The following B4GALNT3 variants were observed in gnomAD, a reference collection of about 807,000 sequenced individuals.
B4GALNT3 encodes the protein beta-1,4-N-acetylgalactosaminyltransferase 3.
A neutral mutation model predicts 120.2 loss-of-function variants in B4GALNT3; 86 were observed. The ratio of observed to expected loss-of-function variants is 0.72; its 90% CI spans 0.60 to 0.86. B4GALNT3 has a LOEUF of 0.86. Ranked by LOEUF, B4GALNT3 falls within the 40% of genes least tolerant of loss-of-function variation. B4GALNT3 has a pLI of 0.00. For missense variants in B4GALNT3, 1,167 were observed against 1,298.9 expected (o/e 0.90, Z 1.56); for synonymous variants, 518 against 510.4 (o/e 1.01, Z -0.20).
chr12:511,671 C>T (rs1468805473), intron 1 of B4GALNT3, among the ~76,000 whole-genome samples: 4 of 146,166 alleles, frequency 2.7e-5, no homozygotes, highest in Admixed American at 6.8e-5. Context: ...TTCCACCTTC[C>T]GCCTTCCGCC....
intron 14 of B4GALNT3, chr12:555,236 C>T (rs1395039129): frequency 2.0e-5 from 8 of 395,990 alleles, no homozygotes; most frequent in Non-Finnish European, 3.5e-5. Flanking sequence ...TGGTTACTTC[C>T]CATTCCTCCT....
intron 1 of B4GALNT3, among the ~76,000 whole-genome samples, chr12:475,760 C>T (rs1300616195): frequency 1.3e-5 from 2 of 152,196 alleles, no homozygotes; most frequent in Non-Finnish European, 2.9e-5. Flanking sequence ...GACTTTCTTT[C>T]ATTCCTACTT....
intron 1 of B4GALNT3, among the ~76,000 whole-genome samples, chr12:524,639 T>TAA (rs72425704): frequency 9.2e-5 from 12 of 130,908 alleles, no homozygotes; most frequent in Admixed American, 2.6e-4. Flanking sequence ...TAAGACATGT[T>TAA]AAAAAAAAAA....
rs534663410 is a variant in B4GALNT3 at position 473,520 on chromosome 12, G to A, written c.169+12975G>A. ...CCAAAGTTGTGGGTTTCATACGTGG[G>A]TCTCTGGCTGTACTCTGCCACAATC... On this transcript the variant is annotated intron_variant, in intron 1 of 19. Coordinates refer to ENST00000266383, the MANE Select transcript of B4GALNT3 (RefSeq NM_173593.4). Among the ~76,000 whole-genome samples, 7 of 152,320 alleles carry A rather than the reference G, an allele frequency of 4.6e-5. No homozygotes were observed. The East Asian group carries it at 5.8e-4, about 13-fold the overall frequency.
At position 552,179 on chromosome 12, in the gene B4GALNT3, T is replaced by A; in HGVS notation, c.1208+16T>A. On this transcript the variant is annotated intron_variant, in intron 12 of 19. Transcript: ENST00000266383. Reference sequence around the variant, plus strand: ...ACCAAGACCGGTGAGAGACACTGAGTGGGGCAGGAAGGTGACCTTGCAGAG... The same window carrying A: ...ACCAAGACCGGTGAGAGACACTGAGAGGGGCAGGAAGGTGACCTTGCAGAG... The A allele has an allele frequency of 6.3e-7, 1 of 1,582,074 alleles. No homozygotes were observed. Among genetic ancestry groups the A allele is most frequent in the Non-Finnish European group, 8.7e-7 (1 of 1,151,414 alleles).
intron 1 of B4GALNT3, among the ~76,000 whole-genome samples, chr12:478,008 C>T (rs1319328214): frequency 1.3e-5 from 2 of 152,088 alleles, no homozygotes; most frequent in African/African-American, 4.8e-5. Context: ...CTGGCACTTT[C>T]AGAGGCTGCT....
intron 1 of B4GALNT3, among the ~76,000 whole-genome samples, chr12:481,270 G>A (rs1325197428): frequency 6.6e-6 from 1 of 152,220 alleles, no homozygotes; most frequent in Non-Finnish European, 1.5e-5. Flanking sequence ...GGCGTTCTGT[G>A]TAATGGGAAT....
Position 466,552 on chromosome 12 carries a change from C to A in B4GALNT3, c.169+6007C>A, listed in dbSNP as rs11063090. Among the ~76,000 whole-genome samples the A allele has an allele frequency of 7.3e-3, 1,109 of 152,276 alleles. 16 individuals carry two copies. The highest frequency in any genetic ancestry group is 0.01 in the Middle Eastern group (3 of 294). On this transcript the variant is annotated intron_variant, in intron 1 of 19. Coordinates refer to ENST00000266383, the MANE Select transcript of B4GALNT3 (RefSeq NM_173593.4). ...CATAATTAATAGATTTATATGTTAA[C>A]CACTATACAAAAATGCGAGTGGAAG...
intron 1 of B4GALNT3, among the ~76,000 whole-genome samples, chr12:486,390 A>T (rs1432159064): frequency 6.6e-6 from 1 of 151,408 alleles, no homozygotes; most frequent in East Asian, 1.9e-4. Context: ...TTGTCTTTTT[A>T]GTAGAGATGG....
At chr12:543,910 A>G (rs1351582479) in intron 3 of B4GALNT3, among the ~76,000 whole-genome samples, 1,981 of 31,502 alleles carry the variant, frequency 0.063, no homozygotes, top group Middle Eastern at 0.087. Context: ...AGGAGCTGGG[A>G]CGGGCATGGG....
At chr12:554,593 A>G (rs1463837090) in intron 14 of B4GALNT3, among the ~76,000 whole-genome samples, 8 of 151,154 alleles carry the variant, frequency 5.3e-5, no homozygotes, top group South Asian at 2.1e-4. Flanking sequence ...GATCGAGACC[A>G]TCCTGGCTAA....
At chr12:546,003 G>A (rs1947000397) in intron 6 of B4GALNT3, among the ~76,000 whole-genome samples, 1 of 127,966 alleles carries the variant, frequency 7.8e-6, no homozygotes, top group East Asian at 2.5e-4. Flanking sequence ...GTGGGGAGGT[G>A]AGAGGAGTGG....
At chr12:559,220 C>A in intron 18 of B4GALNT3, 75 bp from the exon 19 acceptor site, 1 of 1,589,164 alleles carries the variant, frequency 6.3e-7, no homozygotes, top group Non-Finnish European at 8.6e-7. Flanking sequence ...CCTCTAGGCA[C>A]ACAGCCTGGA....
chr12:522,252 G>A (rs1332817899), intron 1 of B4GALNT3, among the ~76,000 whole-genome samples: 5 of 152,158 alleles, frequency 3.3e-5, no homozygotes, highest in Non-Finnish European at 7.3e-5. Flanking sequence ...AGCAAGAGGT[G>A]GAAACAGCCC....
At chr12:540,550 A>G (rs1946903675) in intron 3 of B4GALNT3, 1 of 152,202 alleles carries the variant, frequency 6.6e-6, no homozygotes, top group Non-Finnish European at 1.5e-5. Context: ...AGGAAATTGC[A>G]TTTGTAAAAG....
At position 544,329 on chromosome 12, in the gene B4GALNT3, C is replaced by T. The variant is rs747012361; in HGVS notation, c.352-10C>T. 1.7e-5 allele frequency: 28 copies of T among 1,612,662 alleles called. No homozygotes were observed. The highest frequency in any genetic ancestry group is 2.2e-5 in the East Asian group (1 of 44,896). ...CACGCTCACTCACCACTGGCGTCTC[C>T]GCCCTGCAGTTCCGGGGCCGTGCCA... On this transcript the variant is annotated splice_polypyrimidine_tract_variant and intron_variant, in intron 3 of 19. Coordinates refer to ENST00000266383, the MANE Select transcript of B4GALNT3 (RefSeq NM_173593.4).
intron 9 of B4GALNT3, among the ~76,000 whole-genome samples, 170 bp from the exon 10 acceptor site, chr12:549,599 G>A (rs920761360): frequency 6.6e-6 from 1 of 152,248 alleles, no homozygotes; most frequent in Non-Finnish European, 1.5e-5. Flanking sequence ...CAGATGAATC[G>A]TGAAGCCACC....
chr12:461,357 G>T (rs1027789023), intron 1 of B4GALNT3, among the ~76,000 whole-genome samples: 1 of 152,182 alleles, frequency 6.6e-6, no homozygotes, highest in African/African-American at 2.4e-5. Context: ...TTCCTCCTAG[G>T]AAAACAGGAG....
At chr12:499,667 A>AGAACAGTC (rs11280541) in intron 1 of B4GALNT3, among the ~76,000 whole-genome samples, 1 of 79,670 alleles carries the variant, frequency 1.3e-5, no homozygotes, top group African/African-American at 4.8e-5. Context: ...CTCACTATCT[A>AGAACAGTC]CTAGCCCGTG....
Sources: gnomAD v4.1 joint callset for allele counts (sites outside exome capture counted in the v4.1 genomes callset) on GRCh38, gnomAD v4.1.1 for gene constraint, MANE v1.5 for transcripts, NCBI Gene and HGNC (gene_info 2026-07-23, HGNC 2026-07-21) for gene names.